Variants in DAB1 observed in about 807,000 individuals in gnomAD.
The protein encoded by DAB1 is DAB adaptor protein 1.
Under a neutral mutation model 64.6 loss-of-function variants are expected in DAB1, and 15 were observed. The observed-to-expected ratio is 0.23, with a 90% CI of 0.16 to 0.36. The LOEUF is 0.36. DAB1 is among the 10% of genes least tolerant of loss of function. The pLI, the probability that DAB1 is intolerant of heterozygous loss-of-function variation, is 1.00. For missense variants in DAB1, 596 were observed against 706.7 expected (o/e 0.84, Z 1.78); for synonymous variants, 235 against 251.9 (o/e 0.93, Z 0.64).
intron 5 of DAB1, among the ~76,000 whole-genome samples, chr1:57,963,724 G>A (rs1236657859): frequency 6.6e-6 from 1 of 151,960 alleles, no homozygotes. Flanking sequence ...CATCCCCTGG[G>A]AAGAGGTGCT....
intron 1 of DAB1, among the ~76,000 whole-genome samples, chr1:57,363,473 G>A (rs1022535238): frequency 3.4e-4 from 52 of 151,886 alleles, no homozygotes; most frequent in African/African-American, 1.2e-3. Flanking sequence ...ATGGGGAGCA[G>A]GTGGGCCAAC....
At chr1:57,787,171 A>C (rs1650374292) in intron 6 of DAB1, among the ~76,000 whole-genome samples, 1 of 152,194 alleles carries the variant, frequency 6.6e-6, no homozygotes, top group Admixed American at 6.6e-5. Flanking sequence ...CTAATTATAA[A>C]ATGTATATAA....
chr1:57,613,372 G>T (rs891855125), intron 7 of DAB1, among the ~76,000 whole-genome samples: 2 of 152,180 alleles, frequency 1.3e-5, no homozygotes, highest in Non-Finnish European at 2.9e-5. Context: ...CAGCAGGTGG[G>T]AGGGTCAGAA....
intron 8 of DAB1, among the ~76,000 whole-genome samples, chr1:57,065,786 T>C (rs1316871122): frequency 1.3e-5 from 2 of 152,192 alleles, no homozygotes; most frequent in Non-Finnish European, 2.9e-5. Context: ...GACAGTCGCT[T>C]TGCTCTCTGA....
intron 6 of DAB1, among the ~76,000 whole-genome samples, chr1:57,786,669 G>A (rs557025753): frequency 7.9e-5 from 12 of 152,226 alleles, no homozygotes; most frequent in Admixed American, 1.3e-4. Context: ...ACACTGAACC[G>A]TGGAAAACCA....
chr1:58,049,365 A>T lies in DAB1; in HGVS notation n.387+101146T>A. On this transcript the variant is annotated intron_variant and non_coding_transcript_variant, in intron 5 of 20. Transcript: ENST00000485760. ...ACGGGCAGAAAGGAGCAAGCTGACG[A>T]ATGTATCTTAACCTGAACTATTTTT... 11 of 598,302 alleles carry T rather than the reference A, an allele frequency of 1.8e-5. No homozygotes were observed. In the South Asian group the frequency reaches 2.0e-4, roughly 11 times the overall value. The allele number at this position is 598,302 out of a possible 1,614,324, so 37.1% of individuals were successfully genotyped here.
At chr1:58,132,465 G>A (rs1239399708) in intron 5 of DAB1, among the ~76,000 whole-genome samples, 3 of 151,978 alleles carry the variant, frequency 2.0e-5, no homozygotes, top group Non-Finnish European at 2.9e-5. Flanking sequence ...GTTCCTATTC[G>A]GCCATCTTGG....
chr1:58,082,711 A>G (rs979702164), intron 5 of DAB1, among the ~76,000 whole-genome samples: 14 of 152,070 alleles, frequency 9.2e-5, no homozygotes, highest in Admixed American at 7.2e-4. Context: ...TTCAGGCAGG[A>G]GAAGGTAAAT....
rs375166170 is a variant in DAB1 at position 57,757,198 on chromosome 1, ATTTTTTT to A, written n.552-107540_552-107534del. 1.8e-4 allele frequency among the ~76,000 whole-genome samples: 16 copies of A among 90,088 alleles called. 1 individual carries two copies. The highest frequency in any genetic ancestry group is 3.1e-4 in the Non-Finnish European group (11 of 35,776). The allele number at this position is 90,088 out of a possible 152,430, so 59.1% of individuals were successfully genotyped here. On this transcript the variant is annotated intron_variant and non_coding_transcript_variant, in intron 6 of 20. Coordinates refer to the DAB1 transcript ENST00000485760. ...TCCATGCTGCTGGCCCAGGGGCAGAATTTTTTTTTTTTTTTTTTTTTTAGCAGCAATG... is the reference window on the plus strand; with the variant it reads ...TCCATGCTGCTGGCCCAGGGGCAGAATTTTTTTTTTTTTTTAGCAGCAATG...
intron 1 of DAB1, among the ~76,000 whole-genome samples, chr1:57,422,378 G>T (rs890669942): frequency 6.6e-6 from 1 of 150,802 alleles, no homozygotes; most frequent in South Asian, 2.1e-4. Flanking sequence ...TCGCCCCCGG[G>T]CTCGCCCCCG....
intron 1 of DAB1, chr1:58,536,777 C>G: frequency 1.2e-6 from 1 of 848,532 alleles, no homozygotes; most frequent in African/African-American, 1.7e-5. Flanking sequence ...TTCTGAAAAT[C>G]ATTCCAGCAC....
chr1:58,241,126 G>A (rs1660274833), intron 4 of DAB1, among the ~76,000 whole-genome samples: 1 of 152,026 alleles, frequency 6.6e-6, no homozygotes, highest in South Asian at 2.1e-4. Flanking sequence ...GAATATTCTT[G>A]ATATAGCTCA....
chr1:57,490,339 T>G (rs946833647), intron 7 of DAB1, among the ~76,000 whole-genome samples: 2 of 152,190 alleles, frequency 1.3e-5, no homozygotes, highest in Admixed American at 6.5e-5. Context: ...GGTTAGCTTC[T>G]GGAAGATCTG....
At chr1:57,822,141 C>T (rs989014708), downstream of DAB1, among the ~76,000 whole-genome samples, 2 of 152,184 alleles carry the variant, frequency 1.3e-5, no homozygotes, top group Non-Finnish European at 2.9e-5. Flanking sequence ...CAAAACATAT[C>T]ATGAGTGAAT....
intron 6 of DAB1, among the ~76,000 whole-genome samples, chr1:57,781,122 C>CTA (rs1650067047): frequency 1.8e-4 from 8 of 43,894 alleles, no homozygotes; most frequent in East Asian, 8.8e-4. Context: ...CTCTCTCTCT[C>CTA]TCTCTATATA....
intron 14 of DAB1, among the ~76,000 whole-genome samples, chr1:57,002,971 T>C (rs1279648214): frequency 1.3e-5 from 2 of 152,268 alleles, no homozygotes; most frequent in Non-Finnish European, 2.9e-5. Flanking sequence ...GTCCCTTATG[T>C]CTGGGAGTGT....
chr1:57,134,449 G>A (rs1010356621), intron 4 of DAB1, among the ~76,000 whole-genome samples: 6 of 137,552 alleles, frequency 4.4e-5, no homozygotes, highest in South Asian at 4.9e-4. Flanking sequence ...TTAGCTGGGC[G>A]TGCTAGTGAA....
intron 1 of DAB1, among the ~76,000 whole-genome samples, chr1:57,370,056 A>G (rs1352720213): frequency 1.3e-5 from 2 of 152,104 alleles, no homozygotes; most frequent in Non-Finnish European, 2.9e-5. Flanking sequence ...CCCCGGTATC[A>G]CCTGTAACAG....
intron 3 of DAB1, among the ~76,000 whole-genome samples, chr1:58,451,489 T>C (rs952592662): frequency 6.6e-6 from 1 of 152,192 alleles, no homozygotes; most frequent in Non-Finnish European, 1.5e-5. Flanking sequence ...CAAATTAAAG[T>C]CTGTAATTTG....
Sources: allele counts gnomAD v4.1 joint callset (sites outside exome capture counted in the v4.1 genomes callset), GRCh38; gene constraint gnomAD v4.1.1; transcripts MANE v1.5; gene names NCBI Gene and HGNC (gene_info 2026-07-23, HGNC 2026-07-21).